Variants in LARGE1 observed in about 807,000 individuals in gnomAD.
LARGE1 encodes LARGE xylosyl- and glucuronyltransferase 1.
A neutral mutation model predicts 87.6 loss-of-function variants in LARGE1; 43 were observed. The observed-to-expected ratio is 0.49, with a 90% CI of 0.38 to 0.63. The LOEUF (loss-of-function observed/expected upper bound fraction) is 0.63. Ranked by LOEUF, LARGE1 falls within the 30% of genes least tolerant of loss-of-function variation. The pLI, the probability that LARGE1 is intolerant of heterozygous loss-of-function variation, is 0.00. For missense variants in LARGE1, 802 were observed against 1,000.2 expected (o/e 0.80, Z 2.67); for synonymous variants, 434 against 394.6 (o/e 1.10, Z -1.18).
intron 2 of LARGE1, among the ~76,000 whole-genome samples, chr22:33,673,034 G>C (rs1458547906): frequency 6.6e-6 from 1 of 152,102 alleles, no homozygotes; most frequent in East Asian, 1.9e-4. Context: ...CAGCACTTTG[G>C]GAGGCTGAGG....
chr22:33,392,144 GCTT>G (rs1415041204), intron 7 of LARGE1, among the ~76,000 whole-genome samples: 1 of 132,424 alleles, frequency 7.6e-6, no homozygotes, highest in Non-Finnish European at 1.5e-5. Context: ...GGGAACACAC[GCTT>G]CTTCTTTTTT....
At chr22:33,419,724 T>A (rs979314999) in intron 7 of LARGE1, among the ~76,000 whole-genome samples, 1 of 152,178 alleles carries the variant, frequency 6.6e-6, no homozygotes, top group African/African-American at 2.4e-5. Context: ...GGAGTCTCGC[T>A]CTATTGCCCA....
chr22:33,466,703 C>CACACACACACACAG (rs1569189229), intron 6 of LARGE1, among the ~76,000 whole-genome samples: 2 of 150,324 alleles, frequency 1.3e-5, no homozygotes, highest in Admixed American at 1.3e-4. Context: ...TACACACACA[C>CACACACACACACAG]ACACACACAC....
intron 1 of LARGE1, among the ~76,000 whole-genome samples, chr22:33,847,136 C>A (rs145982931): frequency 5.9e-5 from 9 of 152,180 alleles, no homozygotes; most frequent in African/African-American, 2.2e-4. Flanking sequence ...AAATTTCTCT[C>A]TTTTGTACTC....
chr22:33,911,928 C>T (rs73408411), intron 1 of LARGE1, among the ~76,000 whole-genome samples: 9,139 of 152,232 alleles, frequency 0.06, 938 homozygotes, highest in African/African-American at 0.21. Context: ...CCCACCTCTC[C>T]CTCCCGCATC....
At chr22:33,244,039 A>T (rs1926640687) in intron 11 of LARGE1, among the ~76,000 whole-genome samples, 1 of 151,994 alleles carries the variant, frequency 6.6e-6, no homozygotes, top group Non-Finnish European at 1.5e-5. Context: ...CCCAGGCTGG[A>T]GTGCAGTGGC....
At chr22:33,428,606 C>T (rs2066963146) in intron 7 of LARGE1, among the ~76,000 whole-genome samples, 2 of 106,614 alleles carry the variant, frequency 1.9e-5, no homozygotes, top group Admixed American at 1.8e-4. Context: ...AGCCACCGTG[C>T]CTGGCCTTGT....
At position 33,277,206 on chromosome 22, in the gene LARGE1, G is replaced by A; in HGVS notation, c.1927C>T (p.Arg643Trp). 1.2e-6 allele frequency: 2 copies of A among 1,614,228 alleles called. No homozygotes were observed. The highest frequency in any genetic ancestry group is 1.7e-6 in the Non-Finnish European group (2 of 1,180,032). The change falls in exon 14 of 15, where the codon CGG (arginine) becomes TGG (tryptophan). Residue 643 changes from arginine to tryptophan, a missense_variant. By Grantham distance (101) the Arg-to-Trp change is moderately radical. This residue lies in a region of LARGE1 where 625 missense variants were observed against 841.9 expected (regional missense o/e 0.74). Coordinates refer to ENST00000397394, the MANE Select transcript of LARGE1 (RefSeq NM_133642.5). The stretch of plus-strand genomic sequence containing the variant: ...ACCCGGTAAGGCGTGGTGGCGGTCC[G>A]CCACTTGGCGAAGTTTGTGGGTGCG... The part of the protein sequence containing the change: ...GHAPTNFAKW[R>W]TATTPYRVEW...
chr22:33,526,554 T>C (rs924841362), intron 6 of LARGE1, among the ~76,000 whole-genome samples: 1 of 152,242 alleles, frequency 6.6e-6, no homozygotes, highest in Admixed American at 6.5e-5. Context: ...GAAACTTCTG[T>C]AGTGTACAAG....
intron 7 of LARGE1, among the ~76,000 whole-genome samples, chr22:33,400,683 C>T (rs771451599): frequency 1.3e-5 from 2 of 152,130 alleles, no homozygotes; most frequent in Non-Finnish European, 2.9e-5. Flanking sequence ...AGCTCCTAAA[C>T]AGCCGAAAGG....
chr22:33,412,859 C>T (rs772095309), intron 7 of LARGE1, among the ~76,000 whole-genome samples: 1 of 152,182 alleles, frequency 6.6e-6, no homozygotes, highest in Admixed American at 6.5e-5. Context: ...CAGCGTTTCA[C>T]CATGTTGGCC....
At chr22:33,615,503 C>G (rs1260146763) in intron 4 of LARGE1, among the ~76,000 whole-genome samples, 1 of 151,910 alleles carries the variant, frequency 6.6e-6, no homozygotes. Context: ...TTTAAAAAAC[C>G]CTTTCTCTTT....
chr22:33,392,162 T>C (rs1601681561), intron 7 of LARGE1, among the ~76,000 whole-genome samples: 1 of 151,958 alleles, frequency 6.6e-6, no homozygotes, highest in Non-Finnish European at 1.5e-5. Context: ...TTTTTTTTTT[T>C]TTTTGTAGCT....
intron 6 of LARGE1, among the ~76,000 whole-genome samples, chr22:33,505,840 T>A (rs1353898542): frequency 6.6e-6 from 1 of 152,196 alleles, no homozygotes; most frequent in Non-Finnish European, 1.5e-5. Context: ...TTCTTTTCTC[T>A]CACTTACTAA....
At chr22:33,093,361 T>A in the LARGE1 span, among the ~76,000 whole-genome samples, 2 of 152,164 alleles carry the variant, frequency 1.3e-5, no homozygotes, top group African/African-American at 4.8e-5. Context: ...GACAAAGGCA[T>A]AAAATTTATT....
intron 2 of LARGE1, among the ~76,000 whole-genome samples, chr22:33,745,483 A>C (rs2084045615): frequency 1.3e-5 from 2 of 152,076 alleles, no homozygotes; most frequent in Non-Finnish European, 2.9e-5. Context: ...GTGCCCTGAC[A>C]ATCTGAGCAC....
chr22:33,154,126 T>C, the LARGE1 span, among the ~76,000 whole-genome samples: 4 of 151,842 alleles, frequency 2.6e-5, no homozygotes, highest in African/African-American at 9.7e-5. Context: ...AATCCAATGC[T>C]AGCTAATCTC....
chr22:33,392,661 A>AAACAAC (rs201121286), intron 7 of LARGE1, among the ~76,000 whole-genome samples: 21 of 152,082 alleles, frequency 1.4e-4, no homozygotes, highest in African/African-American at 4.8e-4. Flanking sequence ...TCTGTCTTAA[A>AAACAAC]AACAACAACA....
chr22:33,503,243 T>C (rs547444142), intron 6 of LARGE1, among the ~76,000 whole-genome samples: 1,486 of 125,734 alleles, frequency 0.012, 18 homozygotes, highest in African/African-American at 0.048. Flanking sequence ...GGAGTTCCCC[T>C]TTTTTTTTTT....
Sources: gnomAD v4.1 joint callset for allele counts (sites outside exome capture counted in the v4.1 genomes callset) on GRCh38, gnomAD v4.1.1 for gene constraint, gnomAD v4.1.1 regional missense constraint, MANE v1.5 for transcripts, NCBI Gene and HGNC (gene_info 2026-07-23, HGNC 2026-07-21) for gene names.